The following NUP42 variants were observed in gnomAD, a reference collection of about 807,000 sequenced individuals.
NUP42 encodes the protein nucleoporin NUP42.
A neutral mutation model predicts 35.9 loss-of-function variants in NUP42; 47 were observed. The ratio of observed to expected loss-of-function variants is 1.31; its 90% CI spans 1.04 to 1.67. The LOEUF (loss-of-function observed/expected upper bound fraction) is 1.67, where lower values mean the gene tolerates loss of function less well. Among genes scored for constraint, NUP42 ranks in the 40% most tolerant of loss-of-function variants. The pLI, the probability that NUP42 is intolerant of heterozygous loss-of-function variation, is 0.00. For synonymous variants in NUP42, 173 were observed against 173.3 expected (o/e 1.00, Z 0.01); for missense variants, 514 against 492.2 (o/e 1.04, Z -0.42).
intron 3 of NUP42, chr7:23,194,736 TG>T: frequency 5.5e-6 from 1 of 182,198 alleles, no homozygotes; most frequent in Non-Finnish European, 1.2e-5. Flanking sequence ...TTGCCCAGGC[TG>T]GAGTGCAGTG....
At chr7:23,196,413 A>G (rs1287066997) in intron 4 of NUP42, 1 of 379,966 alleles carries the variant, frequency 2.6e-6, no homozygotes, top group East Asian at 5.4e-5. Context: ...ACATGTATTC[A>G]CCGCCCATCC....
intron 2 of NUP42, among the ~76,000 whole-genome samples, chr7:23,185,515 C>T (rs540136320): frequency 6.6e-6 from 1 of 152,014 alleles, no homozygotes; most frequent in South Asian, 2.1e-4. Flanking sequence ...TGTGTATTAC[C>T]CTAGATTTTA....
At chr7:23,188,065 C>A in intron 3 of NUP42, 1 of 1,444,382 alleles carries the variant, frequency 6.9e-7, no homozygotes, top group Non-Finnish European at 9.1e-7. Flanking sequence ...AAACCTAGAC[C>A]ACCGGGCTTT....
intron 4 of NUP42, chr7:23,196,148 A>G (rs1324159343): frequency 1.2e-5 from 3 of 256,060 alleles, no homozygotes; most frequent in East Asian, 1.6e-4. Context: ...ATTACCCAAC[A>G]GTCAATCCCA....
chr7:23,195,701 T>G, intron 3 of NUP42, 138 bp from the exon 4 acceptor site: 1 of 604,138 alleles, frequency 1.7e-6, no homozygotes. Context: ...TTAAGTAGAG[T>G]GTAGGCTTTA....
chr7:23,200,788 C>A lies in NUP42; in HGVS notation c.*43C>A. 1 of 1,346,786 alleles carries A rather than the reference C, an allele frequency of 7.4e-7. No individual in the cohort carries two copies. The highest frequency in any genetic ancestry group is 1.4e-5 in the South Asian group (1 of 70,536). The allele number at this position is 1,346,786 out of a possible 1,614,324, so 83.4% of individuals were successfully genotyped here. A position where few individuals can be genotyped will look rare whatever the true frequency, so the allele number is the denominator to read the frequency against. On this transcript the variant is annotated 3_prime_UTR_variant, in exon 7 of 7. Coordinates refer to ENST00000258742, the MANE Select transcript of NUP42 (RefSeq NM_007342.3). ...CAAAAAAGAATGATGTTTAAAATTG[C>A]TTTGAGTGATTCATACAGAGATGTA...
intron 3 of NUP42, chr7:23,187,409 T>A (rs1785630072): frequency 3.8e-6 from 1 of 266,302 alleles, no homozygotes; most frequent in African/African-American, 2.2e-5. Flanking sequence ...TGATTCCCTG[T>A]ATGTACAACT....
At chr7:23,196,031 G>C in intron 4 of NUP42, 116 bp downstream of exon 4, 1 of 452,682 alleles carries the variant, frequency 2.2e-6, no homozygotes, top group Non-Finnish European at 3.9e-6. Flanking sequence ...TTTTTCAGGA[G>C]TAGGCTATTT....
chr7:23,188,624 C>A, intron 3 of NUP42: 1 of 748,934 alleles, frequency 1.3e-6, no homozygotes, highest in Non-Finnish European at 1.6e-6. Flanking sequence ...TGTGTACATG[C>A]CATGTAATAT....
At chr7:23,198,189 C>G (rs1220488382) in intron 5 of NUP42, 1 of 133,380 alleles carries the variant, frequency 7.5e-6, no homozygotes, top group Admixed American at 7.6e-5. Flanking sequence ...GTTGCAGTCT[C>G]AAAAACAAAA....
At chr7:23,186,470 G>A (rs1211275471) in intron 2 of NUP42, among the ~76,000 whole-genome samples, 1 of 152,110 alleles carries the variant, frequency 6.6e-6, no homozygotes, top group African/African-American at 2.4e-5. Flanking sequence ...TCTACCCACG[G>A]CATTACCACA....
intron 1 of NUP42, chr7:23,182,421 G>A (rs1484821264): frequency 7.3e-7 from 1 of 1,373,144 alleles, no homozygotes. Flanking sequence ...GAGGACCTGG[G>A]TTTGGGCCTG....
rs760046745 is a variant in NUP42, at chr7:23,187,135, C to T, written c.434C>T (p.Pro145Leu). Reference sequence around the variant, plus strand: ...GTTTATTCACCAGTGAAAAAGAAACCTAATATTTCAGGTAACTGAAAAATT... The same window carrying T: ...GTTTATTCACCAGTGAAAAAGAAACTTAATATTTCAGGTAACTGAAAAATT... ...FSVYSPVKKK[P>L]NISGFTDISP... The change falls in exon 3 of 7, where the codon CCT becomes CTT. Residue 145 changes from proline to leucine, a missense_variant. Coordinates refer to ENST00000258742, the MANE Select transcript of NUP42 (RefSeq NM_007342.3). 6.2e-7 allele frequency: 1 copy of T among 1,602,570 alleles called. No homozygotes were observed. The highest frequency in any genetic ancestry group is 1.7e-5 in the Admixed American group (1 of 59,136).
chr7:23,188,741 G>A (rs941011448), intron 3 of NUP42, among the ~76,000 whole-genome samples: 2 of 152,148 alleles, frequency 1.3e-5, no homozygotes, highest in African/African-American at 4.8e-5. Context: ...TTATCCCTGA[G>A]GCCCTTTTAG....
At chr7:23,188,347 T>C (rs1785675923) in intron 3 of NUP42, 1 of 1,123,612 alleles carries the variant, frequency 8.9e-7, no homozygotes, top group Admixed American at 4.8e-5. Context: ...TTATGAATCT[T>C]ACATTCTTGA....
chr7:23,199,967 AG>A (rs1275073417), intron 6 of NUP42, among the ~76,000 whole-genome samples, 200 bp from the exon 7 acceptor site: 1 of 152,166 alleles, frequency 6.6e-6, no homozygotes, highest in African/African-American at 2.4e-5. Context: ...TGGGATTGTT[AG>A]CAGAAAAGAC....
intron 3 of NUP42, chr7:23,194,434 A>T (rs1424200568): frequency 6.8e-6 from 1 of 146,160 alleles, no homozygotes; most frequent in Non-Finnish European, 1.5e-5. Context: ...TCAGCTCACT[A>T]CAGCCTCGGC....
intron 5 of NUP42, 74 bp from the exon 6 acceptor site, chr7:23,199,384 C>T: frequency 1.6e-6 from 2 of 1,244,438 alleles, no homozygotes; most frequent in Non-Finnish European, 2.4e-6. Flanking sequence ...TGAATTTGTC[C>T]ATAAAGTGTA....
rs1357394834 is a variant in NUP42, at chr7:23,195,354, G to C, written c.446-485G>C. On this transcript the variant is annotated intron_variant, in intron 3 of 6. Transcript: ENST00000258742. ...ACTTTATTTCATTTATTTACTATTTGATTTTTTTTGTGTGTGAATTGCCTG... is the reference window on the plus strand; with the variant it reads ...ACTTTATTTCATTTATTTACTATTTCATTTTTTTTGTGTGTGAATTGCCTG... 2.6e-5 allele frequency: 4 copies of C among 152,290 alleles called. No homozygotes were observed. In the East Asian group the frequency reaches 7.7e-4, roughly 29 times the overall value. The allele number at this position is 152,290 out of a possible 1,614,324, so 9.4% of individuals were successfully genotyped here.
Sources: allele counts gnomAD v4.1 joint callset (sites outside exome capture counted in the v4.1 genomes callset), GRCh38; gene constraint gnomAD v4.1.1; transcripts MANE v1.5; gene names NCBI Gene and HGNC (gene_info 2026-07-23, HGNC 2026-07-21).